Variants in CPED1 observed in about 807,000 individuals in gnomAD.
CPED1 encodes the protein cadherin like and PC-esterase domain containing 1, also known as cadherin-like and PC-esterase domain-containing protein 1.
CPED1 carries 114 observed loss-of-function variants against 128.2 expected under a neutral mutation model. That is an observed-to-expected ratio of 0.89 (90% CI 0.76 to 1.04). The LOEUF is 1.04. Among genes scored for constraint, CPED1 ranks in the 50% least tolerant of loss-of-function variants. The pLI, the probability that CPED1 is intolerant of heterozygous loss-of-function variation, is 0.00. For missense variants in CPED1, 1,211 were observed against 1,207.1 expected (o/e 1.00, Z -0.05); for synonymous variants, 462 against 426.7 (o/e 1.08, Z -1.02).
chr7:121,138,419 A>G (rs190758173), intron 14 of CPED1, among the ~76,000 whole-genome samples: 1 of 152,200 alleles, frequency 6.6e-6, no homozygotes, highest in Admixed American at 6.6e-5. Context: ...TTTTGGCGGC[A>G]ACACTGATAC....
intron 7 of CPED1, among the ~76,000 whole-genome samples, chr7:121,104,202 TAAG>T (rs1794916752): frequency 6.6e-6 from 1 of 152,144 alleles, no homozygotes; most frequent in Non-Finnish European, 1.5e-5. Context: ...AATCTAATTT[TAAG>T]AAATATTTTA....
At chr7:121,099,674 T>C (rs1794793460) in intron 6 of CPED1, among the ~76,000 whole-genome samples, 2 of 152,178 alleles carry the variant, frequency 1.3e-5, no homozygotes, top group South Asian at 4.1e-4. Context: ...CCACCTTTTT[T>C]ACTTTTTAAA....
chr7:121,022,194 A>G (rs1023347106), intron 3 of CPED1, among the ~76,000 whole-genome samples: 1 of 152,022 alleles, frequency 6.6e-6, no homozygotes, highest in Non-Finnish European at 1.5e-5. Flanking sequence ...TAGTACATCA[A>G]TATTTGGGCT....
chr7:121,091,345 G>C, intron 5 of CPED1, among the ~76,000 whole-genome samples: 1 of 152,082 alleles, frequency 6.6e-6, no homozygotes, highest in Non-Finnish European at 1.5e-5. Context: ...GTCTTTACAG[G>C]CCATGTATAA....
intron 2 of CPED1, among the ~76,000 whole-genome samples, chr7:121,011,484 T>C (rs146233792): frequency 1.2e-3 from 182 of 152,320 alleles, no homozygotes; most frequent in African/African-American, 4.2e-3. Context: ...CAGTCTTCCA[T>C]GGCTGTATTT....
chr7:121,035,591 C>T (rs912527074), intron 3 of CPED1, among the ~76,000 whole-genome samples: 1 of 151,822 alleles, frequency 6.6e-6, no homozygotes, highest in Non-Finnish European at 1.5e-5. Flanking sequence ...CCTAGCACTT[C>T]GGGAGGCAGA....
At chr7:121,093,025 G>A (rs1794608108) in intron 5 of CPED1, among the ~76,000 whole-genome samples, 1 of 152,152 alleles carries the variant, frequency 6.6e-6, no homozygotes, top group African/African-American at 2.4e-5. Flanking sequence ...ATTCAGAGCT[G>A]AAGATTTTTG....
At chr7:121,243,670 C>T (rs187190822) in intron 17 of CPED1, among the ~76,000 whole-genome samples, 6 of 152,030 alleles carry the variant, frequency 3.9e-5, no homozygotes, top group Non-Finnish European at 5.9e-5. Flanking sequence ...GACATTCACA[C>T]GAAAAAGGCC....
At chr7:121,130,672 ATTAT>A (rs1266517704) in intron 12 of CPED1, among the ~76,000 whole-genome samples, 1 of 152,016 alleles carries the variant, frequency 6.6e-6, no homozygotes, top group Non-Finnish European at 1.5e-5. Context: ...AGACAGTAAA[ATTAT>A]TTATTTAGAA....
In CPED1 at chr7:121,027,907, T is replaced by C. The variant is rs909894873; in HGVS notation, c.433+12059T>C. Among the ~76,000 whole-genome samples, 3 of 152,208 alleles carry C rather than the reference T, an allele frequency of 2.0e-5. No homozygotes were observed. In the East Asian group the frequency reaches 5.8e-4, roughly 29 times the overall value. ...AAAAAATCTTGTTTAACATTCCACC[T>C]CCTTATCAGAGTCACTAAACAAGCG... On this transcript the variant is annotated intron_variant, in intron 3 of 22. Coordinates refer to ENST00000310396, the MANE Select transcript of CPED1 (RefSeq NM_024913.5).
Position 121,127,076 on chromosome 7 carries a change from T to C in CPED1, c.1135-14T>C, listed in dbSNP as rs1795521595. On this transcript the variant is annotated splice_polypyrimidine_tract_variant and intron_variant, in intron 9 of 22. Transcript: ENST00000310396. ...TCGATGAAAAATATTTGCTGTGCTT[T>C]TGTTCTTTCAAAGGTACACGAGCAT... is the stretch of plus-strand genomic sequence containing the variant. 3 of 1,541,364 alleles carry C rather than the reference T, an allele frequency of 1.9e-6. No homozygotes were observed. In the Admixed American group the frequency reaches 6.3e-5, roughly 32 times the overall value.
chr7:121,225,277 T>C (rs1797978229), intron 16 of CPED1, among the ~76,000 whole-genome samples: 1 of 152,188 alleles, frequency 6.6e-6, no homozygotes, highest in Admixed American at 6.5e-5. Flanking sequence ...CAAATTCTTT[T>C]CTTTAAGAAT....
chr7:120,999,327 T>G (rs1009344798), intron 2 of CPED1, among the ~76,000 whole-genome samples: 1 of 152,202 alleles, frequency 6.6e-6, no homozygotes, highest in African/African-American at 2.4e-5. Context: ...TTAACTATCA[T>G]TGATTTCTCG....
At chr7:121,011,774 G>A (rs1317128260) in intron 2 of CPED1, among the ~76,000 whole-genome samples, 2 of 152,128 alleles carry the variant, frequency 1.3e-5, no homozygotes, top group Non-Finnish European at 2.9e-5. Context: ...AATCGCTCCT[G>A]TAGAGGAAAA....
At chr7:121,086,074 G>C (rs1794420412) in intron 5 of CPED1, among the ~76,000 whole-genome samples, 1 of 152,152 alleles carries the variant, frequency 6.6e-6, no homozygotes, top group South Asian at 2.1e-4. Context: ...GAGTAGAAAG[G>C]TTATGCTTAA....
At chr7:120,994,908 C>T (rs182937073) in intron 2 of CPED1, among the ~76,000 whole-genome samples, 31 of 152,240 alleles carry the variant, frequency 2.0e-4, no homozygotes, top group African/African-American at 7.2e-4. Flanking sequence ...AGTTGGTAGG[C>T]TGTTTCAAAA....
At chr7:121,207,497 G>A (rs1156761245) in intron 16 of CPED1, among the ~76,000 whole-genome samples, 2 of 151,966 alleles carry the variant, frequency 1.3e-5, no homozygotes, top group Non-Finnish European at 2.9e-5. Flanking sequence ...GTGTCGCTTA[G>A]AGCTATTGAT....
intron 22 of CPED1, among the ~76,000 whole-genome samples, chr7:121,286,047 C>T (rs1038302096): frequency 5.3e-5 from 8 of 152,122 alleles, no homozygotes; most frequent in African/African-American, 1.9e-4. Flanking sequence ...GCGGAAGCCT[C>T]GGGAAACTTA....
chr7:121,174,780 TAGC>T (rs1260713521), intron 16 of CPED1, among the ~76,000 whole-genome samples: 2 of 152,152 alleles, frequency 1.3e-5, no homozygotes, highest in African/African-American at 4.8e-5. Flanking sequence ...GGTAGTTTGA[TAGC>T]AGCGGCATGG....
Sources: gnomAD v4.1 joint callset for allele counts (sites outside exome capture counted in the v4.1 genomes callset) on GRCh38, gnomAD v4.1.1 for gene constraint, MANE v1.5 for transcripts, NCBI Gene and HGNC (gene_info 2026-07-23, HGNC 2026-07-21) for gene names.